NYAP2: variants seen among roughly 807,000 people sequenced by gnomAD.
The protein encoded by NYAP2 is neuronal tyrosine-phosphorylated phosphoinositide-3-kinase adapter 2.
NYAP2 carries 23 observed loss-of-function variants against 50.4 expected under a neutral mutation model. That is an observed-to-expected ratio of 0.46 (90% CI 0.33 to 0.65). The LOEUF is 0.65. Among genes scored for constraint, NYAP2 ranks in the 30% least tolerant of loss-of-function variants. NYAP2 has a pLI of 0.02. For missense variants in NYAP2, 885 were observed against 861.0 expected (o/e 1.03, Z -0.35); for synonymous variants, 394 against 365.2 (o/e 1.08, Z -0.90).
intron 5 of NYAP2, among the ~76,000 whole-genome samples, chr2:225,613,893 T>G (rs991980855): frequency 6.6e-6 from 1 of 152,164 alleles, no homozygotes; most frequent in African/African-American, 2.4e-5. Context: ...AAGACTACAA[T>G]AAAAAGAACG....
At chr2:225,563,960 G>A (rs1691917704) in intron 4 of NYAP2, among the ~76,000 whole-genome samples, 1 of 152,068 alleles carries the variant, frequency 6.6e-6, no homozygotes. Context: ...GAATATTGCA[G>A]ACTGGGTGAA....
chr2:225,583,014 C>A, exon 5 of NYAP2: 6 of 1,611,366 alleles, frequency 3.7e-6, no homozygotes, highest in South Asian at 1.1e-5. Flanking sequence ...CAGTGGCCGG[C>A]GCTCCAAAGA....
At chr2:225,696,596 GA>G in the NYAP2 span, among the ~76,000 whole-genome samples, 1 of 151,914 alleles carries the variant, frequency 6.6e-6, no homozygotes, top group African/African-American at 2.4e-5. Flanking sequence ...GTGAGAATTT[GA>G]TTTAGCTTTG....
chr2:225,594,550 C>T (rs901163540), intron 5 of NYAP2, among the ~76,000 whole-genome samples: 1 of 152,052 alleles, frequency 6.6e-6, no homozygotes, highest in Non-Finnish European at 1.5e-5. Flanking sequence ...AAAATAAAAA[C>T]ATTCAAATAG....
chr2:225,437,701 C>T (rs1689404111), intron 3 of NYAP2, among the ~76,000 whole-genome samples: 2 of 152,194 alleles, frequency 1.3e-5, no homozygotes, highest in African/African-American at 2.4e-5. Flanking sequence ...GGGCTATGTG[C>T]TTCACGTAAA....
At chr2:225,465,483 G>A (rs1013302528) in intron 3 of NYAP2, among the ~76,000 whole-genome samples, 3 of 152,026 alleles carry the variant, frequency 2.0e-5, no homozygotes, top group Non-Finnish European at 2.9e-5. Context: ...TTGGGAGGCC[G>A]AGGTGGGCGG....
intron 5 of NYAP2, among the ~76,000 whole-genome samples, chr2:225,603,083 C>A (rs1417330429): frequency 6.6e-6 from 1 of 152,152 alleles, no homozygotes; most frequent in African/African-American, 2.4e-5. Context: ...AGGCGTCTTT[C>A]CATTTACTGA....
intron 3 of NYAP2, among the ~76,000 whole-genome samples, chr2:225,488,365 T>C (rs1690340441): frequency 6.6e-6 from 1 of 152,194 alleles, no homozygotes; most frequent in Non-Finnish European, 1.5e-5. Flanking sequence ...ACAGAATCTT[T>C]ATTTCATCTG....
intron 4 of NYAP2, among the ~76,000 whole-genome samples, chr2:225,525,905 T>C (rs1443696328): frequency 2.0e-5 from 3 of 152,170 alleles, no homozygotes; most frequent in Non-Finnish European, 4.4e-5. Context: ...TGAGGCACAG[T>C]TGCTGGCTTG....
intron 3 of NYAP2, among the ~76,000 whole-genome samples, chr2:225,511,672 G>T (rs1478547591): frequency 6.6e-6 from 1 of 152,114 alleles, no homozygotes; most frequent in Non-Finnish European, 1.5e-5. Context: ...TAATGTTCTT[G>T]TTAAATTCTT....
chr2:225,572,248 T>A (rs1376518884), intron 4 of NYAP2, among the ~76,000 whole-genome samples: 1 of 152,228 alleles, frequency 6.6e-6, no homozygotes, highest in East Asian at 1.9e-4. Context: ...ACTTCCACAT[T>A]TTCAGCTATC....
At chr2:225,408,954 A>T (rs1559172224) in exon 3 of NYAP2, 1 of 1,611,866 alleles carries the variant, frequency 6.2e-7, no homozygotes, top group Non-Finnish European at 8.5e-7. Context: ...TACATTGAGG[A>T]TATGGGGATG....
intron 4 of NYAP2, among the ~76,000 whole-genome samples, chr2:225,556,990 A>G (rs1236836315): frequency 1.3e-5 from 2 of 152,190 alleles, no homozygotes; most frequent in African/African-American, 2.4e-5. Flanking sequence ...GCCTAGACTA[A>G]GTAGCAACAG....
chr2:225,416,019 C>T (rs1695116925), intron 3 of NYAP2, among the ~76,000 whole-genome samples: 1 of 152,094 alleles, frequency 6.6e-6, no homozygotes, highest in Admixed American at 6.6e-5. Flanking sequence ...ACTTAGTGCT[C>T]AGGCAGAGAA....
At chr2:225,642,166 G>A (rs570787287) in intron 6 of NYAP2, among the ~76,000 whole-genome samples, 2 of 152,116 alleles carry the variant, frequency 1.3e-5, no homozygotes, top group Non-Finnish European at 2.9e-5. Context: ...AAATCCTACA[G>A]TAAAAGAAGG....
chr2:225,431,724 C>G lies in NYAP2; in HGVS notation c.221+22623C>G, dbSNP rs573137670. 1.6e-4 allele frequency among the ~76,000 whole-genome samples: 24 copies of G among 152,210 alleles called. No homozygotes were observed. The South Asian group carries it at 5.0e-3, about 32-fold the overall frequency. On this transcript the variant is annotated intron_variant, in intron 3 of 6. Transcript: ENST00000636099. The stretch of plus-strand genomic sequence containing the variant: ...CAGAACAAAATGTCATTAGCATGTT[C>G]CGGGAACTCATTAGCAAAATGCATT...
intron 4 of NYAP2, among the ~76,000 whole-genome samples, chr2:225,532,703 G>T (rs943896488): frequency 6.6e-6 from 1 of 151,924 alleles, no homozygotes; most frequent in African/African-American, 2.4e-5. Flanking sequence ...TTGATTTGGG[G>T]TCTCTAACCC....
intron 4 of NYAP2, among the ~76,000 whole-genome samples, chr2:225,555,767 C>A (rs1008775714): frequency 6.6e-6 from 1 of 152,120 alleles, no homozygotes; most frequent in African/African-American, 2.4e-5. Context: ...GAGATGAGGA[C>A]AATAGGAGTC....
At chr2:225,504,852 A>G (rs1690674717) in intron 3 of NYAP2, among the ~76,000 whole-genome samples, 1 of 152,090 alleles carries the variant, frequency 6.6e-6, no homozygotes, top group Non-Finnish European at 1.5e-5. Context: ...TACTAAAAAT[A>G]CAAAAATTAG....
Sources: allele counts gnomAD v4.1 joint callset (sites outside exome capture counted in the v4.1 genomes callset), GRCh38; gene constraint gnomAD v4.1.1; transcripts MANE v1.5; gene names NCBI Gene and HGNC (gene_info 2026-07-23, HGNC 2026-07-21).